Variants in RIT2 observed in about 807,000 individuals in gnomAD.
RIT2 encodes GTP-binding protein Rit2.
A neutral mutation model predicts 23.7 loss-of-function variants in RIT2; 24 were observed. The observed-to-expected ratio is 1.01, with a 90% CI of 0.73 to 1.43. The LOEUF (loss-of-function observed/expected upper bound fraction) is 1.43. RIT2 is among the 40% of genes most tolerant of loss of function. The pLI is 0.00. For synonymous variants in RIT2, 107 were observed against 91.1 expected (o/e 1.17, Z -0.99); for missense variants, 236 against 266.9 (o/e 0.88, Z 0.81).
intron 4 of RIT2, among the ~76,000 whole-genome samples, chr18:42,854,112 T>A (rs1050463053): frequency 6.6e-6 from 1 of 152,212 alleles, no homozygotes; most frequent in East Asian, 1.9e-4. Flanking sequence ...TCTATAAATA[T>A]GATGTAAACT....
intron 3 of RIT2, among the ~76,000 whole-genome samples, chr18:42,925,941 A>G (rs2144137487): frequency 6.6e-6 from 1 of 151,856 alleles, no homozygotes; most frequent in Non-Finnish European, 1.5e-5. Context: ...CTTTTTATAC[A>G]TGTACCATAA....
At chr18:42,836,867 A>C (rs140009828) in intron 4 of RIT2, among the ~76,000 whole-genome samples, 3 of 152,262 alleles carry the variant, frequency 2.0e-5, no homozygotes, top group Non-Finnish European at 4.4e-5. Context: ...CCTTTCCCCA[A>C]TACAAAGACT....
intron 3 of RIT2, among the ~76,000 whole-genome samples, chr18:42,926,132 C>T (rs541890459): frequency 3.7e-4 from 56 of 151,672 alleles, no homozygotes; most frequent in Non-Finnish European, 6.6e-4. Context: ...AAAGAACATA[C>T]ATTTTACTTT....
intron 4 of RIT2, among the ~76,000 whole-genome samples, chr18:42,784,409 C>A (rs1370802097): frequency 6.6e-6 from 1 of 151,988 alleles, no homozygotes; most frequent in African/African-American, 2.4e-5. Context: ...AGCTGTCAGG[C>A]AAATTACTTA....
intron 4 of RIT2, among the ~76,000 whole-genome samples, chr18:42,919,879 G>C (rs1909010308): frequency 6.6e-6 from 1 of 152,120 alleles, no homozygotes. Flanking sequence ...CCAGTGGGAA[G>C]ACAGAAGCCT....
chr18:43,053,542 A>G (rs1912432489), intron 1 of RIT2, among the ~76,000 whole-genome samples: 1 of 152,076 alleles, frequency 6.6e-6, no homozygotes, highest in South Asian at 2.1e-4. Context: ...AAGGAACTAG[A>G]TAAATATTTT....
intron 3 of RIT2, among the ~76,000 whole-genome samples, chr18:42,925,039 C>T (rs1426711325): frequency 1.3e-5 from 2 of 151,992 alleles, no homozygotes; most frequent in South Asian, 2.1e-4. Context: ...GGATCACAGA[C>T]GTGACAAGAG....
intron 4 of RIT2, among the ~76,000 whole-genome samples, chr18:42,787,136 C>A (rs1257668624): frequency 9.4e-6 from 1 of 105,954 alleles, no homozygotes; most frequent in African/African-American, 3.7e-5. Context: ...CCCCTCCCCC[C>A]ACCCCACGAC....
chr18:42,852,137 A>G (rs1042254877), intron 4 of RIT2, among the ~76,000 whole-genome samples: 6 of 152,218 alleles, frequency 3.9e-5, no homozygotes, highest in Non-Finnish European at 5.9e-5. Flanking sequence ...TTAAGCCATT[A>G]AGTCCTGAAG....
At chr18:42,963,988 G>A (rs187115410) in intron 3 of RIT2, among the ~76,000 whole-genome samples, 23 of 152,066 alleles carry the variant, frequency 1.5e-4, no homozygotes, top group African/African-American at 4.1e-4. Flanking sequence ...TCAGGAGTTC[G>A]AGACCAGCCT....
At chr18:42,953,383 A>G (rs1909899822) in intron 3 of RIT2, among the ~76,000 whole-genome samples, 1 of 152,174 alleles carries the variant, frequency 6.6e-6, no homozygotes, top group Non-Finnish European at 1.5e-5. Flanking sequence ...GATGGAAAAA[A>G]TGAGCCATCT....
intron 4 of RIT2, among the ~76,000 whole-genome samples, chr18:42,832,528 C>A (rs1393199316): frequency 6.6e-6 from 1 of 152,060 alleles, no homozygotes; most frequent in Non-Finnish European, 1.5e-5. Context: ...CAAATCTTAT[C>A]TTTTATTTAT....
intron 1 of RIT2, among the ~76,000 whole-genome samples, chr18:43,043,006 G>T (rs551430222): frequency 1.3e-5 from 2 of 151,838 alleles, no homozygotes; most frequent in African/African-American, 4.8e-5. Flanking sequence ...TTATAAAAAA[G>T]ATAATAATGA....
intron 3 of RIT2, among the ~76,000 whole-genome samples, chr18:42,924,809 A>C (rs983178375): frequency 6.6e-6 from 1 of 152,088 alleles, no homozygotes; most frequent in African/African-American, 2.4e-5. Context: ...TAATTGTTTA[A>C]ATAAATGTCA....
chr18:42,987,896 C>A (rs1910750211), intron 2 of RIT2, among the ~76,000 whole-genome samples: 1 of 152,122 alleles, frequency 6.6e-6, no homozygotes, highest in South Asian at 2.1e-4. Context: ...CAGCAAGAGC[C>A]TTGTGGGAAC....
intron 4 of RIT2, among the ~76,000 whole-genome samples, chr18:42,812,912 A>G (rs1305536185): frequency 6.6e-6 from 1 of 152,168 alleles, no homozygotes; most frequent in Non-Finnish European, 1.5e-5. Flanking sequence ...CCTGTTGACA[A>G]GTTTTACAGA....
intron 1 of RIT2, among the ~76,000 whole-genome samples, chr18:43,093,229 C>T (rs552167086): frequency 7.3e-4 from 108 of 148,660 alleles, no homozygotes; most frequent in Middle Eastern, 6.8e-3. Context: ...GTATTGAAGG[C>T]TACTGTGGTA....
rs185760378 is a variant in RIT2 at position 42,967,021 on chromosome 18, C to T, written c.234+7053G>A. On this transcript the variant is annotated intron_variant, in intron 3 of 4. Coordinates refer to ENST00000326695, the MANE Select transcript of RIT2 (RefSeq NM_002930.4). ...TGTCATTCATTTATATAATCTAAAT[C>T]CTTTCCCAATTGATCAATATATGCA... Among the ~76,000 whole-genome samples, 4 of 151,996 alleles carry T rather than the reference C, an allele frequency of 2.6e-5. No homozygotes were observed. The East Asian group carries it at 7.8e-4, about 29-fold the overall frequency.
intron 4 of RIT2, among the ~76,000 whole-genome samples, chr18:42,907,759 T>C (rs1189023584): frequency 6.6e-6 from 1 of 151,896 alleles, no homozygotes; most frequent in Non-Finnish European, 1.5e-5. Context: ...GGCAGGAGGA[T>C]TCTTGGAGGC....
Sources: allele counts gnomAD v4.1 joint callset (sites outside exome capture counted in the v4.1 genomes callset), GRCh38; gene constraint gnomAD v4.1.1; transcripts MANE v1.5; gene names NCBI Gene and HGNC (gene_info 2026-07-23, HGNC 2026-07-21).